The following TCERG1L variants were observed in gnomAD, a reference collection of about 807,000 sequenced individuals.
TCERG1L encodes the protein transcription elongation regulator 1-like protein.
TCERG1L carries 37 observed loss-of-function variants against 56.3 expected under a neutral mutation model. The ratio of observed to expected loss-of-function variants is 0.66; its 90% CI spans 0.51 to 0.87. TCERG1L has a LOEUF of 0.87. TCERG1L is among the 40% of genes least tolerant of loss of function. The pLI is 0.00. For synonymous variants in TCERG1L, 324 were observed against 326.3 expected (o/e 0.99, Z 0.08); for missense variants, 799 against 774.2 (o/e 1.03, Z -0.38).
intron 3 of TCERG1L, among the ~76,000 whole-genome samples, chr10:131,276,298 A>G (rs1043465338): frequency 6.6e-6 from 1 of 152,260 alleles, no homozygotes; most frequent in African/African-American, 2.4e-5. Flanking sequence ...TTACATCACG[A>G]AAGCTACAGC....
intron 5 of TCERG1L, 101 bp downstream of exon 5, chr10:131,166,696 C>CACAA: frequency 8.2e-7 from 1 of 1,219,148 alleles, no homozygotes; most frequent in Admixed American, 2.1e-5. Flanking sequence ...GCAGTCATTT[C>CACAA]ACAAACACCA....
chr10:131,155,982 G>A (rs1465547980), intron 6 of TCERG1L: 3 of 152,178 alleles, frequency 2.0e-5, no homozygotes, highest in African/African-American at 2.4e-5. Context: ...ATGCAAAAGG[G>A]CCGAAGTGAC....
At chr10:131,170,929 C>T (rs1319413982) in intron 4 of TCERG1L, among the ~76,000 whole-genome samples, 7 of 152,086 alleles carry the variant, frequency 4.6e-5, no homozygotes, top group Non-Finnish European at 8.8e-5. Flanking sequence ...GGGCGGATCA[C>T]GAGGTCAAGA....
At chr10:131,181,789 G>A (rs1002224683) in intron 4 of TCERG1L, among the ~76,000 whole-genome samples, 1 of 152,200 alleles carries the variant, frequency 6.6e-6, no homozygotes, top group Non-Finnish European at 1.5e-5. Context: ...AAATGCACTT[G>A]TTCATCCAGC....
At chr10:131,294,277 C>T (rs1846665676) in intron 3 of TCERG1L, among the ~76,000 whole-genome samples, 1 of 152,150 alleles carries the variant, frequency 6.6e-6, no homozygotes, top group Non-Finnish European at 1.5e-5. Context: ...ACCTGCTGTG[C>T]CACCAAGTCT....
At chr10:131,222,485 T>G (rs1034770636) in intron 4 of TCERG1L, among the ~76,000 whole-genome samples, 1 of 152,220 alleles carries the variant, frequency 6.6e-6, no homozygotes, top group Non-Finnish European at 1.5e-5. Context: ...TTTCTCCACC[T>G]AAGTCAGAAG....
intron 3 of TCERG1L, among the ~76,000 whole-genome samples, chr10:131,306,899 A>G (rs1846823393): frequency 6.6e-6 from 1 of 152,172 alleles, no homozygotes; most frequent in Non-Finnish European, 1.5e-5. Flanking sequence ...GAAAATGTCT[A>G]TATTATACTC....
At chr10:131,251,550 G>A (rs1230855901) in intron 4 of TCERG1L, among the ~76,000 whole-genome samples, 1 of 152,136 alleles carries the variant, frequency 6.6e-6, no homozygotes, top group Non-Finnish European at 1.5e-5. Context: ...CTGTGTTCCG[G>A]ACTGCTGATG....
intron 4 of TCERG1L, among the ~76,000 whole-genome samples, chr10:131,242,023 T>C (rs550292833): frequency 6.6e-5 from 10 of 152,194 alleles, no homozygotes; most frequent in Admixed American, 6.5e-5. Flanking sequence ...AGTAACATTG[T>C]ACAACTTGGC....
intron 8 of TCERG1L, among the ~76,000 whole-genome samples, chr10:131,124,629 C>T (rs1486833696): frequency 2.0e-5 from 3 of 151,224 alleles, no homozygotes; most frequent in Non-Finnish European, 3.0e-5. Flanking sequence ...CCAAGCAAGG[C>T]TGGACCCCGG....
At chr10:131,220,515 C>G (rs1403691183) in intron 4 of TCERG1L, among the ~76,000 whole-genome samples, 1 of 152,234 alleles carries the variant, frequency 6.6e-6, no homozygotes, top group South Asian at 2.1e-4. Flanking sequence ...TCAACTCTGG[C>G]TACTGACCTT....
At chr10:131,231,264 A>T (rs1845848760) in intron 4 of TCERG1L, among the ~76,000 whole-genome samples, 1 of 152,220 alleles carries the variant, frequency 6.6e-6, no homozygotes, top group Non-Finnish European at 1.5e-5. Context: ...GCTTCTCAGG[A>T]TGGCTCCTAA....
At chr10:131,214,467 G>T (rs773573366) in intron 4 of TCERG1L, among the ~76,000 whole-genome samples, 12 of 152,196 alleles carry the variant, frequency 7.9e-5, no homozygotes, top group Non-Finnish European at 1.8e-4. Flanking sequence ...CCCCTTCCAA[G>T]AAAATTAGTC....
chr10:131,205,035 C>T (rs918108859), intron 4 of TCERG1L, among the ~76,000 whole-genome samples: 1 of 152,188 alleles, frequency 6.6e-6, no homozygotes, highest in Admixed American at 6.5e-5. Context: ...CTTTCTGGGG[C>T]TGCACTGAGA....
intron 9 of TCERG1L, among the ~76,000 whole-genome samples, chr10:131,108,840 G>T (rs1450964847): frequency 6.6e-6 from 1 of 152,244 alleles, no homozygotes; most frequent in African/African-American, 2.4e-5. Context: ...TTGCAGGGCT[G>T]AAGTTTTCCA....
At chr10:131,294,936 A>G (rs1011997935) in intron 3 of TCERG1L, among the ~76,000 whole-genome samples, 1 of 152,112 alleles carries the variant, frequency 6.6e-6, no homozygotes, top group Non-Finnish European at 1.5e-5. Context: ...CTGAGGCCAG[A>G]TAAACGTCCA....
chr10:131,291,862 A>G (rs971113884), intron 3 of TCERG1L, among the ~76,000 whole-genome samples: 1 of 152,198 alleles, frequency 6.6e-6, no homozygotes, highest in Admixed American at 6.5e-5. Context: ...TGATCCATCT[A>G]CCTGTGTTGA....
chr10:131,193,017 GATAAATAAATAA>G (rs146277373), intron 4 of TCERG1L, among the ~76,000 whole-genome samples: 1 of 151,932 alleles, frequency 6.6e-6, no homozygotes, highest in South Asian at 2.1e-4. Flanking sequence ...GAAATAAAAT[GATAAATAAATAA>G]ATAAATAAAT....
At chr10:131,226,197 T>G (rs1845789561) in intron 4 of TCERG1L, among the ~76,000 whole-genome samples, 1 of 152,160 alleles carries the variant, frequency 6.6e-6, no homozygotes, top group South Asian at 2.1e-4. Flanking sequence ...CGCCTCAGCT[T>G]CCCAAAGTGC....
Sources: gnomAD v4.1 joint callset for allele counts (sites outside exome capture counted in the v4.1 genomes callset) on GRCh38, gnomAD v4.1.1 for gene constraint, MANE v1.5 for transcripts, NCBI Gene and HGNC (gene_info 2026-07-23, HGNC 2026-07-21) for gene names.